The following CENPW variants were observed in gnomAD, a reference collection of about 807,000 sequenced individuals.
CENPW encodes centromere protein W.
In CENPW, 3 loss-of-function variants were observed where a neutral mutation model predicts 11.1. The ratio of observed to expected loss-of-function variants is 0.27; its 90% CI spans 0.12 to 0.70. CENPW has a LOEUF of 0.70. Among genes scored for constraint, CENPW ranks in the 30% least tolerant of loss-of-function variants. The pLI is 0.77. For synonymous variants in CENPW, 38 were observed against 42.0 expected, an observed-to-expected ratio of 0.91 and a Z score of 0.37; for missense variants, 100 against 105.6, an observed-to-expected ratio of 0.95 and a Z score of 0.23.
chr6:126,434,984 C>A, the CENPW span, among the ~76,000 whole-genome samples: 1 of 151,910 alleles, frequency 6.6e-6, no homozygotes, highest in Admixed American at 6.6e-5. Flanking sequence ...AATGCCTAAC[C>A]ACATAATGAA....
At chr6:126,452,383 G>A in the CENPW span, among the ~76,000 whole-genome samples, 1 of 151,110 alleles carries the variant, frequency 6.6e-6, no homozygotes, top group Non-Finnish European at 1.5e-5. Context: ...AAACACTTCT[G>A]CAATGAATGT....
the CENPW span, among the ~76,000 whole-genome samples, chr6:126,454,533 G>A: frequency 6.6e-6 from 1 of 151,184 alleles, no homozygotes; most frequent in African/African-American, 2.4e-5. Flanking sequence ...TGAGAACAAA[G>A]GTACAACATA....
the CENPW span, among the ~76,000 whole-genome samples, chr6:126,417,632 TC>T: frequency 6.6e-6 from 1 of 152,122 alleles, no homozygotes; most frequent in Admixed American, 6.6e-5. Flanking sequence ...AAGCAGAGTT[TC>T]CCTGCACAAG....
the CENPW span, among the ~76,000 whole-genome samples, chr6:126,437,982 G>C: frequency 6.6e-6 from 1 of 151,072 alleles, no homozygotes. Flanking sequence ...TTTATATGAT[G>C]AATATTTATT....
the CENPW span, among the ~76,000 whole-genome samples, chr6:126,412,442 G>C: frequency 1.3e-5 from 2 of 152,062 alleles, no homozygotes; most frequent in Non-Finnish European, 2.9e-5. Context: ...GTATTTGTTT[G>C]TATGTGATCA....
chr6:126,352,585 G>A (rs923972322), downstream of CENPW, among the ~76,000 whole-genome samples: 6 of 152,048 alleles, frequency 3.9e-5, no homozygotes, highest in African/African-American at 1.4e-4. Flanking sequence ...GGCATTTCCT[G>A]TTTCCAACTA....
the CENPW span, among the ~76,000 whole-genome samples, chr6:126,388,970 AGATTT>A: frequency 6.6e-6 from 1 of 151,900 alleles, no homozygotes; most frequent in Non-Finnish European, 1.5e-5. Context: ...GGGTTTCCAT[AGATTT>A]GATGATTATG....
At chr6:126,371,386 A>G in the CENPW span, among the ~76,000 whole-genome samples, 3 of 152,146 alleles carry the variant, frequency 2.0e-5, no homozygotes, top group African/African-American at 7.2e-5. Flanking sequence ...GTGTTGCATC[A>G]CATTTATTGA....
the CENPW span, among the ~76,000 whole-genome samples, chr6:126,374,699 C>G: frequency 6.6e-6 from 1 of 152,246 alleles, no homozygotes; most frequent in African/African-American, 2.4e-5. Flanking sequence ...AGAGTGAACT[C>G]TTAATAAAGC....
the CENPW span, among the ~76,000 whole-genome samples, chr6:126,449,682 A>C: frequency 6.6e-6 from 1 of 151,094 alleles, no homozygotes; most frequent in Non-Finnish European, 1.5e-5. Flanking sequence ...GTTGATTTTT[A>C]TCGCCAGTAC....
intron 1 of CENPW, among the ~76,000 whole-genome samples, chr6:126,342,437 G>C (rs1780332280): frequency 6.6e-6 from 1 of 152,120 alleles, no homozygotes; most frequent in Admixed American, 6.5e-5. Context: ...CTGTTGTCTA[G>C]GAGTTTTCAT....
chr6:126,463,998 T>C, the CENPW span, among the ~76,000 whole-genome samples: 1 of 152,014 alleles, frequency 6.6e-6, no homozygotes, highest in Non-Finnish European at 1.5e-5. Context: ...CATAATAAGA[T>C]CTTTCTTGTA....
At chr6:126,379,694 C>T in the CENPW span, among the ~76,000 whole-genome samples, 60 of 152,152 alleles carry the variant, frequency 3.9e-4, no homozygotes, top group Non-Finnish European at 7.1e-4. Flanking sequence ...ACACTATTTA[C>T]GTATAACTGG....
chr6:126,444,813 AT>A, the CENPW span, among the ~76,000 whole-genome samples: 1 of 151,082 alleles, frequency 6.6e-6, no homozygotes, highest in Non-Finnish European at 1.5e-5. Context: ...CCTCTTCCTG[AT>A]TTTAAATGAA....
the CENPW span, among the ~76,000 whole-genome samples, chr6:126,460,388 C>G: frequency 1.3e-5 from 2 of 151,648 alleles, no homozygotes; most frequent in African/African-American, 2.4e-5. Flanking sequence ...CTGAAAATCA[C>G]GGGATTTTTG....
At chr6:126,419,709 G>A in the CENPW span, among the ~76,000 whole-genome samples, 1 of 152,084 alleles carries the variant, frequency 6.6e-6, no homozygotes, top group Non-Finnish European at 1.5e-5. Context: ...CTGCATCTAG[G>A]AGAGAATCCA....
At chr6:126,431,013 A>T in the CENPW span, among the ~76,000 whole-genome samples, 83 of 152,214 alleles carry the variant, frequency 5.5e-4, 1 homozygote, top group East Asian at 0.011. Context: ...GAAACACCAT[A>T]TTTTTACTTC....
At chr6:126,481,372 T>C in the CENPW span, among the ~76,000 whole-genome samples, 1 of 152,058 alleles carries the variant, frequency 6.6e-6, no homozygotes, top group Non-Finnish European at 1.5e-5. Context: ...CATAATACTG[T>C]AGACTGGGTA....
chr6:126,412,759 C>A, the CENPW span, among the ~76,000 whole-genome samples: 1 of 152,008 alleles, frequency 6.6e-6, no homozygotes, highest in African/African-American at 2.4e-5. Flanking sequence ...TTTTAAAATT[C>A]TTTTTTCCTA....
Sources: gnomAD v4.1 joint callset for allele counts (sites outside exome capture counted in the v4.1 genomes callset) on GRCh38, gnomAD v4.1.1 for gene constraint, MANE v1.5 for transcripts, NCBI Gene and HGNC (gene_info 2026-07-23, HGNC 2026-07-21) for gene names.